The following CACNA1B variants were observed in gnomAD, a reference collection of about 807,000 sequenced individuals.
CACNA1B encodes voltage-dependent N-type calcium channel subunit alpha-1B.
A neutral mutation model predicts 247.2 loss-of-function variants in CACNA1B; 70 were observed. That is an observed-to-expected ratio of 0.28 (90% confidence interval 0.23 to 0.35). The LOEUF is 0.35. CACNA1B is among the 10% of genes least tolerant of loss of function. The probability of loss-of-function intolerance (pLI) is 1.00; values close to 1 mark genes in which losing one functional copy is unlikely to be tolerated. For missense variants in CACNA1B, 2,367 were observed against 3,197.4 expected (o/e 0.74, Z 6.26); for synonymous variants, 1,231 against 1,294.4 (o/e 0.95, Z 1.05).
At chr9:138,027,525 C>G (rs1345996044) in intron 20 of CACNA1B, among the ~76,000 whole-genome samples, 1 of 152,034 alleles carries the variant, frequency 6.6e-6, no homozygotes. Flanking sequence ...TGGGCATTAC[C>G]TTGTTTCCGC....
chr9:138,055,878 T>C (rs1422128547), intron 26 of CACNA1B, among the ~76,000 whole-genome samples: 1 of 152,048 alleles, frequency 6.6e-6, no homozygotes, highest in East Asian at 1.9e-4. Context: ...TACAAAAAAT[T>C]AGCTGGGTAT....
Position 138,121,456 on chromosome 9 carries a change from C to T in CACNA1B, c.6490-13C>T, listed in dbSNP as rs1589141637. 17 of 1,415,282 alleles carry T rather than the reference C, an allele frequency of 1.2e-5. No homozygotes were observed. The highest frequency in any genetic ancestry group is 1.9e-4 in the Middle Eastern group (1 of 5,314). The allele number at this position is 1,415,282 out of a possible 1,614,324, so 87.7% of individuals were successfully genotyped here. On this transcript the variant is annotated splice_polypyrimidine_tract_variant and intron_variant, in intron 46 of 46. Coordinates refer to ENST00000371372, the MANE Select transcript of CACNA1B (RefSeq NM_000718.4). The surrounding 1 kb of genome is among the most constrained non-coding windows in gnomAD (Gnocchi z 6.8). Reference sequence around the variant, plus strand: ...TTTTTACCTCTGATTTGTTCTGGTCCATTTTCATGTAGGGCAGTGGTTCCG... The same window carrying T: ...TTTTTACCTCTGATTTGTTCTGGTCTATTTTCATGTAGGGCAGTGGTTCCG...
In CACNA1B at chr9:138,057,970, C is replaced by T; in HGVS notation, c.4107-79C>T. 6.4e-7 allele frequency: 1 copy of T among 1,561,660 alleles called. No homozygotes were observed. The highest frequency in any genetic ancestry group is 8.8e-7 in the Non-Finnish European group (1 of 1,134,880). On this transcript the variant is annotated intron_variant, in intron 27 of 46. Coordinates refer to ENST00000371372, the MANE Select transcript of CACNA1B (RefSeq NM_000718.4). The surrounding 1 kb of genome is among the most constrained non-coding windows in gnomAD (Gnocchi z 4.0). ...GGGCTCAGGCATGGAAGCAGACCCACCCTTGTGGTGCAGGTCTTGAGTTCT... is the reference window on the plus strand; with the variant it reads ...GGGCTCAGGCATGGAAGCAGACCCATCCTTGTGGTGCAGGTCTTGAGTTCT...
chr9:138,039,221 A>G (rs1312185745), intron 20 of CACNA1B, among the ~76,000 whole-genome samples: 3 of 152,124 alleles, frequency 2.0e-5, no homozygotes, highest in East Asian at 1.9e-4. Context: ...TAAAAAAAAA[A>G]AGAGAAAAAT....
At chr9:138,078,324 C>T in intron 36 of CACNA1B, 66 bp downstream of exon 36, 1 of 1,485,310 alleles carries the variant, frequency 6.7e-7, no homozygotes, top group Non-Finnish European at 9.3e-7. Context: ...AGGCTTCTCC[C>T]ACATCTCCTG....
At chr9:137,994,411 C>A (rs1251990652) in intron 15 of CACNA1B, among the ~76,000 whole-genome samples, 1 of 152,226 alleles carries the variant, frequency 6.6e-6, no homozygotes, top group African/African-American at 2.4e-5. Context: ...CAAACTGTCA[C>A]TGTTTGTTTG....
chr9:138,017,618 C>T lies in CACNA1B; in HGVS notation c.2267+4383C>T, dbSNP rs1200924942. ...GGGCTCACTGGGGACGTTTATGGGT[C>T]CTCCTAGGCCCCTTACTTGGGAGGG... is the stretch of plus-strand genomic sequence containing the variant. On this transcript the variant is annotated intron_variant, in intron 18 of 46. Coordinates refer to ENST00000371372, the MANE Select transcript of CACNA1B (RefSeq NM_000718.4). Among the ~76,000 whole-genome samples the T allele has an allele frequency of 2.6e-5, 4 of 152,170 alleles. No homozygotes were observed. The South Asian group carries it at 8.3e-4, about 31-fold the overall frequency.
chr9:138,075,236 A>G (rs1371069282), intron 34 of CACNA1B, among the ~76,000 whole-genome samples: 1 of 152,188 alleles, frequency 6.6e-6, no homozygotes, highest in African/African-American at 2.4e-5. Flanking sequence ...AAATAAATAC[A>G]TCTTTTTTTC....
rs548376882 is a variant in CACNA1B, at chr9:137,957,252, C to T, written c.1244-346C>T. Among the ~76,000 whole-genome samples, 51 of 152,372 alleles carry T rather than the reference C, an allele frequency of 3.3e-4. No individual in the cohort carries two copies. Among genetic ancestry groups the T allele is most frequent in the African/African-American group, 1.2e-3 (49 of 41,588 alleles). On this transcript the variant is annotated intron_variant, in intron 9 of 46. Coordinates refer to ENST00000371372, the MANE Select transcript of CACNA1B (RefSeq NM_000718.4). The surrounding 1 kb of genome is among the most constrained non-coding windows in gnomAD (Gnocchi z 4.7). ...CACTTCCGTGGCAATCTCAGCCGGC[C>T]CCATGCCTGCGGCTCTGAGCAGGTC...
intron 15 of CACNA1B, among the ~76,000 whole-genome samples, chr9:137,999,980 C>G (rs1242680365): frequency 6.6e-6 from 1 of 151,450 alleles, no homozygotes; most frequent in African/African-American, 2.4e-5. Context: ...GAAAAAAGCA[C>G]AAACAAAAAA....
intron 41 of CACNA1B, 63 bp downstream of exon 41, chr9:138,114,553 G>A (rs1295965924): frequency 1.5e-5 from 12 of 815,806 alleles, no homozygotes; most frequent in South Asian, 3.0e-5. Context: ...GGCATCCTTC[G>A]GGGGGTTGAC....
At chr9:137,962,020 T>G (rs966241199) in intron 10 of CACNA1B, among the ~76,000 whole-genome samples, 1 of 152,220 alleles carries the variant, frequency 6.6e-6, no homozygotes, top group African/African-American at 2.4e-5. Context: ...GGGCTTTTTT[T>G]GATTGGTAGG....
chr9:137,928,341 C>G (rs1230699453), intron 6 of CACNA1B, among the ~76,000 whole-genome samples: 3 of 152,152 alleles, frequency 2.0e-5, no homozygotes, highest in African/African-American at 7.2e-5. Context: ...TGTGATCTGC[C>G]TGCTTCAACC....
Position 138,053,826 on chromosome 9 carries a change from C to G in CACNA1B, c.3808-20C>G. The G allele has an allele frequency of 6.2e-7, 1 of 1,604,700 alleles. No individual in the cohort carries two copies. The highest frequency in any genetic ancestry group is 8.5e-7 in the Non-Finnish European group (1 of 1,172,616). On this transcript the variant is annotated intron_variant, in intron 25 of 46. Coordinates refer to ENST00000371372, the MANE Select transcript of CACNA1B (RefSeq NM_000718.4). ...CCATGATTCCACCCCCTCATCATGG[C>G]TCCACCCCTCCTCCTGCAGGCTGTG... is the stretch of plus-strand genomic sequence containing the variant.
Position 137,954,612 on chromosome 9 carries a change from G to T in CACNA1B, c.1071-1086G>T, listed in dbSNP as rs937559980. On this transcript the variant is annotated intron_variant, in intron 7 of 46. Transcript: ENST00000371372. The surrounding 1 kb of genome is among the most constrained non-coding windows in gnomAD (Gnocchi z 4.1). ...TCTCAGGGCATGGCCACAGGGATTGGTCTGGGTGGGGAGGCCACAGTGGAC... is the reference window on the plus strand; with the variant it reads ...TCTCAGGGCATGGCCACAGGGATTGTTCTGGGTGGGGAGGCCACAGTGGAC... 4.9e-4 allele frequency among the ~76,000 whole-genome samples: 74 copies of T among 152,322 alleles called. No individual in the cohort carries two copies. The highest frequency in any genetic ancestry group is 1.7e-3 in the African/African-American group (71 of 41,570).
chr9:138,113,953 G>A (rs1025680743), intron 40 of CACNA1B, among the ~76,000 whole-genome samples: 13 of 148,156 alleles, frequency 8.8e-5, no homozygotes, highest in Non-Finnish European at 1.5e-4. Flanking sequence ...AGGGAGCGCC[G>A]GGAGGTGCCC....
intron 3 of CACNA1B, among the ~76,000 whole-genome samples, chr9:137,911,035 G>A (rs1957354305): frequency 1.3e-5 from 2 of 151,934 alleles, no homozygotes; most frequent in Admixed American, 1.3e-4. Flanking sequence ...TTAGATCTTT[G>A]ATCCATTTTG....
intron 41 of CACNA1B, among the ~76,000 whole-genome samples, chr9:138,114,908 C>A (rs955640814): frequency 1.3e-5 from 2 of 152,124 alleles, no homozygotes; most frequent in Non-Finnish European, 2.9e-5. Flanking sequence ...TCTGCTCTTG[C>A]CTTTGACTGA....
Position 137,882,417 on chromosome 9 carries a change from T to C in CACNA1B, c.391-327T>C, listed in dbSNP as rs1394476029. On this transcript the variant is annotated intron_variant, in intron 2 of 46. Coordinates refer to ENST00000371372, the MANE Select transcript of CACNA1B (RefSeq NM_000718.4). This position sits in a 1 kb window ranked among gnomAD's most constrained non-coding sequence, Gnocchi z 4.0. Reference sequence around the variant, plus strand: ...CGAAGCAAGGCCCACTGCATGGTGCTAGCAGGGAGATTGGGGCCCCACTGT... The same window carrying C: ...CGAAGCAAGGCCCACTGCATGGTGCCAGCAGGGAGATTGGGGCCCCACTGT... Among the ~76,000 whole-genome samples, 1 of 152,164 alleles carries C rather than the reference T, an allele frequency of 6.6e-6. No individual in the cohort carries two copies. Among genetic ancestry groups the C allele is most frequent in the Non-Finnish European group, 1.5e-5 (1 of 68,018 alleles).
Sources: allele counts gnomAD v4.1 joint callset (sites outside exome capture counted in the v4.1 genomes callset), GRCh38; gene constraint gnomAD v4.1.1; non-coding constraint Gnocchi (gnomAD v3.1); transcripts MANE v1.5; gene names NCBI Gene and HGNC (gene_info 2026-07-23, HGNC 2026-07-21).